MAF: variants seen among roughly 807,000 people sequenced by gnomAD.
MAF encodes transcription factor Maf.
A neutral mutation model predicts 22.0 loss-of-function variants in MAF; 10 were observed. That is an observed-to-expected ratio of 0.45 (90% confidence interval 0.28 to 0.77). MAF has a LOEUF of 0.77. Ranked by LOEUF, MAF falls within the 30% of genes least tolerant of loss-of-function variation. The pLI is 0.12. For synonymous variants in MAF, 337 were observed against 255.8 expected, an observed-to-expected ratio of 1.32 and a Z score of -3.03; for missense variants, 544 against 548.4, an observed-to-expected ratio of 0.99 and a Z score of 0.08.
At chr16:79,270,634 T>C in the MAF span, among the ~76,000 whole-genome samples, 8 of 152,202 alleles carry the variant, frequency 5.3e-5, no homozygotes, top group African/African-American at 1.9e-4. Flanking sequence ...GCAGTGACTT[T>C]CTGGCACAAC....
chr16:79,268,367 CA>C, the MAF span, among the ~76,000 whole-genome samples: 1 of 152,130 alleles, frequency 6.6e-6, no homozygotes, highest in Non-Finnish European at 1.5e-5. Context: ...GGATTTTGAG[CA>C]AGTCACTTCA....
At chr16:79,434,411 A>G in the MAF span, among the ~76,000 whole-genome samples, 6 of 152,192 alleles carry the variant, frequency 3.9e-5, no homozygotes, top group African/African-American at 7.2e-5. Context: ...GCTGATTTCA[A>G]GCTACCAATG....
the MAF span, among the ~76,000 whole-genome samples, chr16:79,332,790 G>A: frequency 6.6e-6 from 1 of 152,208 alleles, no homozygotes; most frequent in East Asian, 1.9e-4. Context: ...AAGCAGTGAA[G>A]TTAGGCTTTG....
chr16:79,406,092 G>T, the MAF span, among the ~76,000 whole-genome samples: 9 of 152,116 alleles, frequency 5.9e-5, no homozygotes, highest in Non-Finnish European at 1.2e-4. Context: ...GCTTTACATT[G>T]CCTCCCAGAG....
the MAF span, among the ~76,000 whole-genome samples, chr16:79,553,305 C>G: frequency 1.3e-5 from 2 of 152,234 alleles, no homozygotes; most frequent in African/African-American, 4.8e-5. Context: ...TCTGCATTCA[C>G]AGCAGTTGGC....
the MAF span, among the ~76,000 whole-genome samples, chr16:79,235,370 T>C: frequency 1.3e-5 from 2 of 151,716 alleles, no homozygotes; most frequent in East Asian, 3.9e-4. Flanking sequence ...CTGGGGAACA[T>C]ATCAAGATAC....
the MAF span, among the ~76,000 whole-genome samples, chr16:79,361,998 C>T: frequency 6.6e-6 from 1 of 152,152 alleles, no homozygotes; most frequent in Non-Finnish European, 1.5e-5. Flanking sequence ...TCGTTAACCC[C>T]ATTTGAAGAT....
the MAF span, among the ~76,000 whole-genome samples, chr16:79,391,792 G>C: frequency 6.6e-6 from 1 of 152,052 alleles, no homozygotes; most frequent in Admixed American, 6.6e-5. Flanking sequence ...AGAGGCCCAG[G>C]GCAAAGCAAA....
At chr16:79,464,822 C>T in the MAF span, among the ~76,000 whole-genome samples, 1 of 152,004 alleles carries the variant, frequency 6.6e-6, no homozygotes, top group Non-Finnish European at 1.5e-5. Flanking sequence ...CAGCAGATGG[C>T]GAATATGACA....
chr16:79,459,597 G>A, the MAF span, among the ~76,000 whole-genome samples: 2 of 151,558 alleles, frequency 1.3e-5, no homozygotes, highest in Non-Finnish European at 2.9e-5. Flanking sequence ...TTTAAAGACA[G>A]GGTGTCATTC....
At chr16:79,433,687 C>T in the MAF span, among the ~76,000 whole-genome samples, 7 of 152,088 alleles carry the variant, frequency 4.6e-5, no homozygotes, top group East Asian at 7.7e-4. Flanking sequence ...CTCAACTGAC[C>T]GACTGCCATG....
At chr16:79,392,392 G>T in the MAF span, among the ~76,000 whole-genome samples, 18 of 149,666 alleles carry the variant, frequency 1.2e-4, no homozygotes. Flanking sequence ...GAAAGGGAAG[G>T]AGGAGAAACA....
At chr16:79,566,257 G>C in the MAF span, among the ~76,000 whole-genome samples, 1 of 152,056 alleles carries the variant, frequency 6.6e-6, no homozygotes, top group Non-Finnish European at 1.5e-5. Context: ...CATCAATATA[G>C]GACACAGTTT....
At chr16:79,539,799 T>C in the MAF span, among the ~76,000 whole-genome samples, 1 of 152,202 alleles carries the variant, frequency 6.6e-6, no homozygotes, top group Non-Finnish European at 1.5e-5. Context: ...CCTTTCTAAA[T>C]GCCACATGAT....
chr16:79,368,113 G>A, the MAF span, among the ~76,000 whole-genome samples: 1 of 152,192 alleles, frequency 6.6e-6, no homozygotes, highest in Non-Finnish European at 1.5e-5. Context: ...CAGAGAGGCA[G>A]GAAGAGAGGA....
At chr16:79,213,960 C>T in the MAF span, among the ~76,000 whole-genome samples, 1 of 152,154 alleles carries the variant, frequency 6.6e-6, no homozygotes, top group Non-Finnish European at 1.5e-5. Flanking sequence ...AGCACTTTAT[C>T]CACTAGAAGC....
At chr16:79,325,379 T>A in the MAF span, among the ~76,000 whole-genome samples, 1 of 152,252 alleles carries the variant, frequency 6.6e-6, no homozygotes, top group African/African-American at 2.4e-5. Flanking sequence ...TGCAATCTCA[T>A]GGAACCCTTA....
At chr16:79,330,476 G>A in the MAF span, among the ~76,000 whole-genome samples, 2 of 152,200 alleles carry the variant, frequency 1.3e-5, no homozygotes, top group East Asian at 1.9e-4. Context: ...GAGCCGTACA[G>A]GAATGCTCTG....
At chr16:79,255,972 CTTTT>C in the MAF span, among the ~76,000 whole-genome samples, 1 of 129,896 alleles carries the variant, frequency 7.7e-6, no homozygotes, top group Non-Finnish European at 1.6e-5. Flanking sequence ...TTTCTTTTTT[CTTTT>C]CTTTTCTTTT....
Sources: allele counts gnomAD v4.1 joint callset (sites outside exome capture counted in the v4.1 genomes callset), GRCh38; gene constraint gnomAD v4.1.1; transcripts MANE v1.5; gene names NCBI Gene and HGNC (gene_info 2026-07-23, HGNC 2026-07-21).